Variants in XKR4 observed in about 807,000 individuals in gnomAD.
XKR4 encodes the protein XK related 4, also known as XK-related protein 4.
Under a neutral mutation model 53.9 loss-of-function variants are expected in XKR4, and 12 were observed. The ratio of observed to expected loss-of-function variants is 0.22; its 90% CI spans 0.14 to 0.36. The LOEUF (loss-of-function observed/expected upper bound fraction) is 0.36. XKR4 is among the 10% of genes least tolerant of loss of function. The pLI is 1.00. For synonymous variants in XKR4, 354 were observed against 362.4 expected, an observed-to-expected ratio of 0.98 and a Z score of 0.26; for missense variants, 799 against 859.5, an observed-to-expected ratio of 0.93 and a Z score of 0.88.
At chr8:55,357,602 A>G (rs1428876481) in intron 1 of XKR4, 76 bp from the exon 2 acceptor site, 21 of 1,534,558 alleles carry the variant, frequency 1.4e-5, no homozygotes, top group Non-Finnish European at 1.8e-5. Context: ...TGGCTTGCAG[A>G]AAAGAACAAC....
rs192112303 is a variant in XKR4, at chr8:55,478,195, G to A, written c.1007-45086G>A. On this transcript the variant is annotated intron_variant, in intron 2 of 2. Transcript: ENST00000327381. ...AAGGGAAGCCCATCAGACTAACAGC[G>A]GATCTCTTGGCAGAAACTCTACAAA... Among the ~76,000 whole-genome samples the A allele has an allele frequency of 6.6e-3, 1,005 of 152,202 alleles. 13 individuals are homozygous for A. The highest frequency in any genetic ancestry group is 0.011 in the Non-Finnish European group (724 of 68,030).
chr8:55,116,479 G>A (rs1009639396), intron 1 of XKR4, among the ~76,000 whole-genome samples: 1 of 152,172 alleles, frequency 6.6e-6, no homozygotes, highest in Non-Finnish European at 1.5e-5. Context: ...TTGATGGCAT[G>A]CTTCACCATT....
At chr8:55,325,679 T>C (rs888155116) in intron 1 of XKR4, among the ~76,000 whole-genome samples, 11 of 152,180 alleles carry the variant, frequency 7.2e-5, no homozygotes, top group Admixed American at 1.3e-4. Flanking sequence ...TTTAAGAAGA[T>C]TCAAGAAGAG....
chr8:55,410,764 T>A (rs539325870), intron 2 of XKR4, among the ~76,000 whole-genome samples: 1 of 152,238 alleles, frequency 6.6e-6, no homozygotes, highest in African/African-American at 2.4e-5. Flanking sequence ...CTCATGACAC[T>A]CTTCTCTAAA....
chr8:55,267,107 A>G (rs1034634469), intron 1 of XKR4, among the ~76,000 whole-genome samples: 3 of 152,180 alleles, frequency 2.0e-5, no homozygotes, highest in African/African-American at 7.2e-5. Context: ...CCAGAGCATG[A>G]GGATGGTGAG....
chr8:55,320,105 T>C (rs1484045160), intron 1 of XKR4, among the ~76,000 whole-genome samples: 1 of 152,224 alleles, frequency 6.6e-6, no homozygotes, highest in Non-Finnish European at 1.5e-5. Flanking sequence ...CAGCAGCCAG[T>C]GCGTTCAATG....
chr8:55,485,501 C>T (rs781631058), intron 2 of XKR4, among the ~76,000 whole-genome samples: 7 of 152,146 alleles, frequency 4.6e-5, no homozygotes, highest in Admixed American at 3.3e-4. Context: ...AAATATAATA[C>T]TATTTACAGT....
chr8:55,391,449 A>C (rs73589789), intron 2 of XKR4, among the ~76,000 whole-genome samples: 14,443 of 152,282 alleles, frequency 0.095, 1,411 homozygotes, highest in African/African-American at 0.25. Flanking sequence ...AAAAAGAGAA[A>C]GAAATCTGTG....
At position 55,542,033 on chromosome 8, in the gene XKR4, AAAAAG is replaced by A. The variant is rs1378754420; in HGVS notation, c.*17811_*17815del. On this transcript the variant is annotated 3_prime_UTR_variant, in exon 3 of 3. Coordinates refer to ENST00000327381, the MANE Select transcript of XKR4 (RefSeq NM_052898.2). ...TTTTTCTTGTAAAACTTAAAGAAAA[AAAAAG>A]AAAACTTGAAATTTTATATATTTGG... The A allele has an allele frequency of 6.6e-6, 1 of 151,874 alleles. No individual in the cohort carries two copies. The highest frequency in any genetic ancestry group is 1.9e-4 in the East Asian group (1 of 5,192). The allele number at this position is 151,874 out of a possible 1,614,324, so 9.4% of individuals were successfully genotyped here.
At chr8:55,376,043 T>A (rs1804147227) in intron 2 of XKR4, among the ~76,000 whole-genome samples, 1 of 152,210 alleles carries the variant, frequency 6.6e-6, no homozygotes, top group South Asian at 2.1e-4. Context: ...TCCATGACCC[T>A]ACAAAGGACA....
chr8:55,397,259 A>G (rs112136760), intron 2 of XKR4, among the ~76,000 whole-genome samples: 443 of 152,364 alleles, frequency 2.9e-3, no homozygotes, highest in African/African-American at 0.01. Context: ...TTGCGTAAAT[A>G]ATATGAGTAG....
chr8:55,289,660 A>AGG lies in XKR4; in HGVS notation c.807-68018_807-68017insGG, dbSNP rs1563316484. Among the ~76,000 whole-genome samples the AGG allele has an allele frequency of 7.3e-4, 78 of 107,342 alleles. 1 individual carries two copies. Among genetic ancestry groups the AGG allele is most frequent in the African/African-American group, 2.1e-3 (64 of 31,008 alleles). 70.4% of individuals were successfully genotyped at this position (107,342 alleles called of 152,430 possible). On this transcript the variant is annotated intron_variant, in intron 1 of 2. Coordinates refer to ENST00000327381, the MANE Select transcript of XKR4 (RefSeq NM_052898.2). The stretch of plus-strand genomic sequence containing the variant: ...AAGAAAGAAAGAAAGGAAGGAAGGA[A>AGG]AAGAAAAGAAAAGAAAGAGAAAGAA...
chr8:55,437,920 G>T (rs1489210912), intron 2 of XKR4, among the ~76,000 whole-genome samples: 2 of 151,308 alleles, frequency 1.3e-5, no homozygotes, highest in Non-Finnish European at 2.9e-5. Context: ...CTTCAAGGGA[G>T]TTAGGGCCTG....
intron 2 of XKR4, among the ~76,000 whole-genome samples, chr8:55,463,408 A>C (rs1805695636): frequency 6.6e-6 from 1 of 151,504 alleles, no homozygotes; most frequent in African/African-American, 2.4e-5. Flanking sequence ...GCAGAAATAA[A>C]GATGTTCTTT....
chr8:55,168,016 G>A (rs1817093265), intron 1 of XKR4, among the ~76,000 whole-genome samples: 1 of 152,102 alleles, frequency 6.6e-6, no homozygotes, highest in Admixed American at 6.5e-5. Context: ...AGAAATATAG[G>A]TACTTTTGGG....
At chr8:55,286,858 A>G (rs1818913594) in intron 1 of XKR4, among the ~76,000 whole-genome samples, 1 of 152,282 alleles carries the variant, frequency 6.6e-6, no homozygotes, top group Non-Finnish European at 1.5e-5. Context: ...AAAAATATTT[A>G]GAGCTAGATG....
At chr8:55,389,078 C>A (rs960119923) in intron 2 of XKR4, among the ~76,000 whole-genome samples, 8 of 152,164 alleles carry the variant, frequency 5.3e-5, no homozygotes, top group African/African-American at 1.9e-4. Flanking sequence ...CACGAACATG[C>A]ACACACAGGG....
Position 55,455,154 on chromosome 8 carries a change from G to C in XKR4, c.1007-68127G>C. 3 of 572,244 alleles carry C rather than the reference G, an allele frequency of 5.2e-6. No individual in the cohort carries two copies. The South Asian group carries it at 5.3e-5, about 10-fold the overall frequency. 35.4% of individuals were successfully genotyped at this position (572,244 alleles called of 1,614,324 possible). The stretch of plus-strand genomic sequence containing the variant: ...ATCCGCGCCATGGGGAGGGACGCTG[G>C]GCGGGCTCCGCGGCTCGGGGACTCG... On this transcript the variant is annotated intron_variant, in intron 2 of 2. Transcript: ENST00000327381.
intron 2 of XKR4, among the ~76,000 whole-genome samples, chr8:55,463,757 G>T (rs1805704354): frequency 6.6e-6 from 1 of 151,690 alleles, no homozygotes; most frequent in Non-Finnish European, 1.5e-5. Context: ...AAAGAGAGAA[G>T]AATCAAATAG....
Sources: allele counts gnomAD v4.1 joint callset (sites outside exome capture counted in the v4.1 genomes callset), GRCh38; gene constraint gnomAD v4.1.1; transcripts MANE v1.5; gene names NCBI Gene and HGNC (gene_info 2026-07-23, HGNC 2026-07-21).